Variants in KAZN observed in about 807,000 individuals in gnomAD.
KAZN encodes kazrin, periplakin interacting protein.
KAZN carries 40 observed loss-of-function variants against 87.4 expected under a neutral mutation model. The observed-to-expected ratio is 0.46, with a 90% CI of 0.36 to 0.60. KAZN has a LOEUF of 0.60. Among genes scored for constraint, KAZN ranks in the 20% least tolerant of loss-of-function variants. The probability of loss-of-function intolerance (pLI) is 0.00; values close to 1 mark genes in which losing one functional copy is unlikely to be tolerated. For missense variants in KAZN, 898 were observed against 1,073.9 expected (o/e 0.84, Z 2.29); for synonymous variants, 466 against 458.3 (o/e 1.02, Z -0.22).
intron 2 of KAZN, among the ~76,000 whole-genome samples, chr1:14,474,463 A>G (rs1668614583): frequency 6.6e-6 from 1 of 152,206 alleles, no homozygotes; most frequent in Non-Finnish European, 1.5e-5. Context: ...TTCAGGGTAT[A>G]GTAGCAGTTG....
At chr1:14,760,160 C>T (rs1423885467) in intron 1 of KAZN, among the ~76,000 whole-genome samples, 1 of 152,076 alleles carries the variant, frequency 6.6e-6, no homozygotes, top group South Asian at 2.1e-4. Context: ...AACCAATGCT[C>T]GCCTGGCTTC....
chr1:13,896,169 A>G (rs1310035510), intron 1 of KAZN, among the ~76,000 whole-genome samples: 1 of 151,996 alleles, frequency 6.6e-6, no homozygotes, highest in Non-Finnish European at 1.5e-5. Context: ...TTTCTTTTGC[A>G]AAGAGCCAGA....
intron 1 of KAZN, among the ~76,000 whole-genome samples, chr1:14,133,549 T>A (rs1253863077): frequency 3.9e-5 from 6 of 152,268 alleles, no homozygotes; most frequent in Non-Finnish European, 4.4e-5. Flanking sequence ...GCTTGCCCAG[T>A]GTCTTTTCTT....
chr1:14,636,050 A>C (rs1265877947), intron 1 of KAZN, among the ~76,000 whole-genome samples: 2 of 152,238 alleles, frequency 1.3e-5, no homozygotes, highest in African/African-American at 4.8e-5. Flanking sequence ...CTTCAACACC[A>C]ACCTCAATGA....
chr1:14,620,914 C>A (rs967260304), intron 1 of KAZN, among the ~76,000 whole-genome samples: 1 of 152,332 alleles, frequency 6.6e-6, no homozygotes, highest in East Asian at 1.9e-4. Flanking sequence ...GTGTCCCCAT[C>A]ATCATCTTCA....
chr1:14,105,077 A>G (rs72862551), intron 1 of KAZN, among the ~76,000 whole-genome samples: 5,932 of 152,222 alleles, frequency 0.039, 400 homozygotes, highest in African/African-American at 0.13. Context: ...ACTGTGCTCT[A>G]TTTTTGTTTT....
In KAZN at chr1:14,049,584, C is replaced by T. The variant is rs184528739; in HGVS notation, c.92-130851C>T. Among the ~76,000 whole-genome samples, 20 of 152,274 alleles carry T rather than the reference C, an allele frequency of 1.3e-4. No homozygotes were observed. In the East Asian group the frequency reaches 2.7e-3, roughly 21 times the overall value. ...CCTATCATCACCAGGGTGCTTCTGC[C>T]CCAGTCTTCAACTTCAGTACCCACA... is the stretch of plus-strand genomic sequence containing the variant. On this transcript the variant is annotated intron_variant, in intron 1 of 16. Coordinates refer to the KAZN transcript ENST00000636203.
intron 2 of KAZN, among the ~76,000 whole-genome samples, chr1:14,416,185 G>A (rs1467418632): frequency 6.6e-6 from 1 of 152,144 alleles, no homozygotes; most frequent in African/African-American, 2.4e-5. Flanking sequence ...GGGATTCCCT[G>A]GACAGAATTA....
rs74533830 is a variant in KAZN, at chr1:14,998,452, G to A, written c.419-36297G>A. ...GACCTTGAGGGTTCCTCTGGGTGCA[G>A]CACTGTTGCAGCCCAAACACTCTAC... On this transcript the variant is annotated intron_variant, in intron 2 of 14. Coordinates refer to ENST00000376030, the MANE Select transcript of KAZN (RefSeq NM_201628.3). 9.1e-4 allele frequency among the ~76,000 whole-genome samples: 138 copies of A among 152,272 alleles called. No individual in the cohort carries two copies. The East Asian group carries it at 0.012, about 13-fold the overall frequency.
chr1:14,376,222 C>A (rs1660908865), intron 2 of KAZN, among the ~76,000 whole-genome samples: 1 of 152,190 alleles, frequency 6.6e-6, no homozygotes, highest in Non-Finnish European at 1.5e-5. Flanking sequence ...GTACATGCAT[C>A]ATACCCAGAA....
chr1:14,217,774 A>C (rs1457729235), intron 2 of KAZN, among the ~76,000 whole-genome samples: 1 of 152,126 alleles, frequency 6.6e-6, no homozygotes, highest in Non-Finnish European at 1.5e-5. Context: ...TTGAAGAAAA[A>C]CAAAAATTTA....
intron 4 of KAZN, among the ~76,000 whole-genome samples, chr1:15,051,637 G>T (rs777131682): frequency 3.9e-5 from 6 of 152,234 alleles, no homozygotes; most frequent in Non-Finnish European, 7.3e-5. Flanking sequence ...TTAGACAGCT[G>T]GAGGAACGAA....
At chr1:13,931,426 C>T (rs1446795112) in intron 1 of KAZN, among the ~76,000 whole-genome samples, 2 of 150,386 alleles carry the variant, frequency 1.3e-5, no homozygotes, top group African/African-American at 2.5e-5. Flanking sequence ...TTGGGAACTG[C>T]CAATGTTTTT....
intron 1 of KAZN, among the ~76,000 whole-genome samples, chr1:14,821,975 C>T (rs1371383647): frequency 2.0e-5 from 3 of 152,188 alleles, no homozygotes. Flanking sequence ...AAATACTGAC[C>T]GTCTCCCTGT....
At chr1:14,480,417 A>G (rs1298781471) in intron 2 of KAZN, among the ~76,000 whole-genome samples, 1 of 152,010 alleles carries the variant, frequency 6.6e-6, no homozygotes, top group African/African-American at 2.4e-5. Flanking sequence ...TAAACATACA[A>G]TAGCAGTTTG....
At chr1:15,055,938 G>A (rs1010668702) in intron 4 of KAZN, among the ~76,000 whole-genome samples, 153 bp from the exon 5 acceptor site, 1 of 152,228 alleles carries the variant, frequency 6.6e-6, no homozygotes, top group African/African-American at 2.4e-5. Context: ...CGGGGCAGGC[G>A]CTTGACTTAC....
chr1:14,492,065 G>A (rs1295504242), intron 2 of KAZN, among the ~76,000 whole-genome samples: 1 of 152,150 alleles, frequency 6.6e-6, no homozygotes, highest in Non-Finnish European at 1.5e-5. Flanking sequence ...GCTGGAAGGG[G>A]TACATTCAAA....
intron 1 of KAZN, among the ~76,000 whole-genome samples, chr1:14,113,958 G>A (rs1644554012): frequency 6.6e-6 from 1 of 152,150 alleles, no homozygotes; most frequent in African/African-American, 2.4e-5. Context: ...CCCCTTGTTT[G>A]GGTAGGAAGG....
intron 7 of KAZN, 40 bp from the exon 8 acceptor site, chr1:15,065,590 T>C: frequency 6.5e-7 from 1 of 1,544,286 alleles, no homozygotes; most frequent in Non-Finnish European, 8.8e-7. Flanking sequence ...GGCTTTCTTC[T>C]TCTCCCCCAC....
Sources: allele counts gnomAD v4.1 joint callset (sites outside exome capture counted in the v4.1 genomes callset), GRCh38; gene constraint gnomAD v4.1.1; transcripts MANE v1.5; gene names NCBI Gene and HGNC (gene_info 2026-07-23, HGNC 2026-07-21).